The following SASS6 variants were observed in gnomAD, a reference collection of about 807,000 sequenced individuals.
The protein encoded by SASS6 is spindle assembly abnormal protein 6 homolog.
SASS6 carries 59 observed loss-of-function variants against 94.9 expected under a neutral mutation model. That is an observed-to-expected ratio of 0.62 (90% CI 0.50 to 0.77). SASS6 has a LOEUF of 0.77. Ranked by LOEUF, SASS6 falls within the 30% of genes least tolerant of loss-of-function variation. The pLI is 0.00. For missense variants in SASS6, 698 were observed against 734.1 expected, an observed-to-expected ratio of 0.95 and a Z score of 0.57; for synonymous variants, 264 against 270.0, an observed-to-expected ratio of 0.98 and a Z score of 0.22.
intron 3 of SASS6, 35 bp downstream of exon 3, chr1:100,123,175 T>C (rs1417279950): frequency 3.5e-6 from 3 of 863,930 alleles, no homozygotes; most frequent in Non-Finnish European, 5.7e-6. Context: ...ACTTATTTTT[T>C]CACTAAATAT....
chr1:100,086,793 G>A (rs1281379328), intron 15 of SASS6, among the ~76,000 whole-genome samples: 4 of 150,790 alleles, frequency 2.7e-5, no homozygotes, highest in Non-Finnish European at 5.9e-5. Flanking sequence ...TGATCCTCCT[G>A]CCTCAGCCTC....
chr1:100,114,014 T>C (rs1653597604), intron 7 of SASS6, among the ~76,000 whole-genome samples: 1 of 151,508 alleles, frequency 6.6e-6, no homozygotes, highest in African/African-American at 2.4e-5. Context: ...AAAAAAATAA[T>C]AAATTTTAAA....
intron 15 of SASS6, among the ~76,000 whole-genome samples, chr1:100,086,527 T>G (rs1004068283): frequency 6.6e-5 from 10 of 151,718 alleles, no homozygotes; most frequent in African/African-American, 2.4e-4. Flanking sequence ...TTTTTTTTTT[T>G]TTTGAGACAG....
At chr1:100,130,548 G>C (rs1334075259) in intron 1 of SASS6, among the ~76,000 whole-genome samples, 2 of 152,242 alleles carry the variant, frequency 1.3e-5, no homozygotes, top group East Asian at 3.9e-4. Flanking sequence ...AAAAAGCCAG[G>C]CGTGGTGGTA....
chr1:100,119,230 GA>G, intron 6 of SASS6, 93 bp from the exon 7 acceptor site: 1 of 662,472 alleles, frequency 1.5e-6, no homozygotes, highest in Middle Eastern at 4.2e-4. Context: ...GGATATTAAA[GA>G]AAACAAAATT....
chr1:100,131,739 T>C (rs1208112429), intron 1 of SASS6, among the ~76,000 whole-genome samples: 1 of 152,226 alleles, frequency 6.6e-6, no homozygotes, highest in Non-Finnish European at 1.5e-5. Context: ...CTATATATAC[T>C]ACAGTTTGAC....
At chr1:100,126,061 A>C in intron 1 of SASS6, 119 bp from the exon 2 acceptor site, 1 of 584,192 alleles carries the variant, frequency 1.7e-6, no homozygotes, top group Non-Finnish European at 3.0e-6. Flanking sequence ...TCTCTAACTT[A>C]TGAACAGAAG....
At chr1:100,087,903 T>C (rs1290865383) in intron 15 of SASS6, among the ~76,000 whole-genome samples, 1 of 152,190 alleles carries the variant, frequency 6.6e-6, no homozygotes, top group East Asian at 1.9e-4. Flanking sequence ...AATTTTACTA[T>C]CTAAGCACAT....
In SASS6 at chr1:100,120,417, T is replaced by C. The variant is rs1255722467; in HGVS notation, c.526A>G (p.Lys176Glu). Residue 176 changes from lysine to glutamate, a missense_variant, in exon 6 of 17, where the codon AAG becomes GAG. Transcript: ENST00000287482. ...SLMQSLDDAT[K>E]QLDFTRKTLA... ...ACCTTTCGTGTAAAGTCCAGTTGCT[T>C]AGTAGCATCATCTAGTGATTGCATC... 3 of 1,532,110 alleles carry C rather than the reference T, an allele frequency of 2.0e-6. No individual in the cohort carries two copies. The African/African-American group carries it at 4.1e-5, about 21-fold the overall frequency. The allele number at this position is 1,532,110 out of a possible 1,614,324, so 94.9% of individuals were successfully genotyped here.
chr1:100,087,023 G>A (rs547163499), intron 15 of SASS6, among the ~76,000 whole-genome samples: 2 of 151,046 alleles, frequency 1.3e-5, no homozygotes, highest in East Asian at 1.9e-4. Flanking sequence ...TGCTCTTATC[G>A]CCCAGGCTGG....
At chr1:100,128,652 CTTA>C (rs1654794759) in intron 1 of SASS6, among the ~76,000 whole-genome samples, 1 of 152,128 alleles carries the variant, frequency 6.6e-6, no homozygotes, top group African/African-American at 2.4e-5. Flanking sequence ...TATTTTTTCC[CTTA>C]TAATGGTTAA....
chr1:100,121,098 ATACATGTC>A (rs1375905742), intron 5 of SASS6, among the ~76,000 whole-genome samples: 1 of 151,794 alleles, frequency 6.6e-6, no homozygotes, highest in Non-Finnish European at 1.5e-5. Flanking sequence ...AGCTATTTCC[ATACATGTC>A]TACCAGTTGA....
chr1:100,100,597 C>T (rs971737053), intron 14 of SASS6, among the ~76,000 whole-genome samples: 10 of 152,202 alleles, frequency 6.6e-5, no homozygotes, highest in African/African-American at 2.4e-4. Flanking sequence ...AATATTCTCA[C>T]ATATTCTTTC....
chr1:100,120,921 G>T (rs900468040), intron 5 of SASS6, among the ~76,000 whole-genome samples: 1 of 150,668 alleles, frequency 6.6e-6, no homozygotes. Flanking sequence ...GTAGTGGCGG[G>T]CGCCTGTAGT....
At chr1:100,125,991 G>C (rs1300478024) in intron 1 of SASS6, 49 bp from the exon 2 acceptor site, 1 of 908,646 alleles carries the variant, frequency 1.1e-6, no homozygotes, top group Non-Finnish European at 1.7e-6. Flanking sequence ...CACGAAATGA[G>C]TTATCACTAT....
In SASS6 at chr1:100,107,810, C is replaced by T; in HGVS notation, c.1056G>A (p.Lys352=). 6.3e-7 allele frequency: 1 copy of T among 1,598,512 alleles called. No homozygotes were observed. The highest frequency in any genetic ancestry group is 8.6e-7 in the Non-Finnish European group (1 of 1,169,396). The change falls in exon 9 of 17, where the codon AAG becomes AAA. Residue 352 remains lysine, a splice_region_variant and synonymous_variant. Coordinates refer to ENST00000287482, the MANE Select transcript of SASS6 (RefSeq NM_194292.3). ...KEAFDTIQEQ[K]VVLEENGEKN... ...TTCTGAGAAAAATTTAAAAGTAGAC[C>T]TTTTGTTCCTGGATTGTATCAAATG...
At chr1:100,120,647 G>A (rs573238569) in intron 5 of SASS6, among the ~76,000 whole-genome samples, 188 bp from the exon 6 acceptor site, 4 of 152,272 alleles carry the variant, frequency 2.6e-5, no homozygotes, top group South Asian at 4.1e-4. Context: ...CTGATCTATA[G>A]CATTTGACTA....
chr1:100,086,200 T>C (rs1651239634), intron 15 of SASS6, among the ~76,000 whole-genome samples: 2 of 152,146 alleles, frequency 1.3e-5, no homozygotes, highest in Admixed American at 6.5e-5. Context: ...TTCCCTAGTA[T>C]TACTTGTAAT....
intron 5 of SASS6, among the ~76,000 whole-genome samples, chr1:100,120,874 C>A (rs1336046754): frequency 6.6e-6 from 1 of 151,624 alleles, no homozygotes; most frequent in African/African-American, 2.4e-5. Context: ...AACGGTGAAA[C>A]CCCGTCTCTA....
Sources: allele counts gnomAD v4.1 joint callset (sites outside exome capture counted in the v4.1 genomes callset), GRCh38; gene constraint gnomAD v4.1.1; transcripts MANE v1.5; gene names NCBI Gene and HGNC (gene_info 2026-07-23, HGNC 2026-07-21).